Variants in PPP1R16B observed in about 807,000 individuals in gnomAD.
The protein encoded by PPP1R16B is protein phosphatase 1 regulatory inhibitor subunit 16B.
A neutral mutation model predicts 61.7 loss-of-function variants in PPP1R16B; 14 were observed. That is an observed-to-expected ratio of 0.23 (90% confidence interval 0.15 to 0.35). The LOEUF (loss-of-function observed/expected upper bound fraction) is 0.35. Ranked by LOEUF, PPP1R16B falls within the 10% of genes least tolerant of loss-of-function variation. PPP1R16B has a pLI of 1.00. For synonymous variants in PPP1R16B, 266 were observed against 305.3 expected, an observed-to-expected ratio of 0.87 and a Z score of 1.34; for missense variants, 547 against 752.5, an observed-to-expected ratio of 0.73 and a Z score of 3.19.
rs945362285 is a variant in PPP1R16B at position 38,908,031 on chromosome 20, G to A, written c.1032G>A (p.Lys344=). ...AGGACCCACTTTGTCCTCTCAGGAA[G>A]GTGGTGCGGCGAGCCAGCCTGTCGG... ...RRTSSAGSRG[K]VVRRASLSDR... is the part of the protein sequence containing the mutation. Residue 344 remains lysine (K), a synonymous_variant, in exon 10 of 11, where the codon AAG becomes AAA. Transcript: ENST00000299824. 3.2e-5 allele frequency: 52 copies of A among 1,614,108 alleles called. No individual in the cohort carries two copies. The highest frequency in any genetic ancestry group is 4.1e-5 in the Non-Finnish European group (48 of 1,180,040).
Position 38,907,720 on chromosome 20 carries a change from G to C in PPP1R16B, c.899-86G>C. ...GATGCTTGGAGTTTTCAGTGGGTTGGGGTGGCAGCTCCTCTGGTCTGGAGC... is the reference window on the plus strand; with the variant it reads ...GATGCTTGGAGTTTTCAGTGGGTTGCGGTGGCAGCTCCTCTGGTCTGGAGC... On this transcript the variant is annotated intron_variant, in intron 8 of 10. Transcript: ENST00000299824. This position sits in a 1 kb window ranked among gnomAD's most constrained non-coding sequence, Gnocchi z 4.5. 1 of 1,506,704 alleles carries C rather than the reference G, an allele frequency of 6.6e-7. No individual in the cohort carries two copies. Among genetic ancestry groups the C allele is most frequent in the Admixed American group, 1.8e-5 (1 of 54,446 alleles). 93.3% of individuals were successfully genotyped at this position (1,506,704 alleles called of 1,614,324 possible).
intron 1 of PPP1R16B, among the ~76,000 whole-genome samples, chr20:38,828,135 T>C (rs550336445): frequency 6.6e-6 from 1 of 152,368 alleles, no homozygotes; most frequent in African/African-American, 2.4e-5. Context: ...TTCATGTTGT[T>C]TTTCTCGAGG....
intron 4 of PPP1R16B, among the ~76,000 whole-genome samples, chr20:38,899,781 C>A (rs2085376951): frequency 6.6e-6 from 1 of 151,976 alleles, no homozygotes; most frequent in Non-Finnish European, 1.5e-5. Flanking sequence ...GGACAAGTGA[C>A]CGAACCTGTC....
intron 10 of PPP1R16B, among the ~76,000 whole-genome samples, chr20:38,910,509 C>T (rs1485003090): frequency 4.6e-5 from 7 of 151,346 alleles, no homozygotes; most frequent in Non-Finnish European, 7.4e-5. Context: ...GAGTCACCCA[C>T]GTTGTGGCAT....
At chr20:38,895,237 C>T (rs1045857911) in intron 3 of PPP1R16B, among the ~76,000 whole-genome samples, 3 of 152,212 alleles carry the variant, frequency 2.0e-5, no homozygotes, top group East Asian at 3.8e-4. Flanking sequence ...TTAAAAAATA[C>T]GTTTTAAAAC....
intron 3 of PPP1R16B, among the ~76,000 whole-genome samples, chr20:38,894,546 C>G (rs935640550): frequency 1.3e-5 from 2 of 152,232 alleles, no homozygotes; most frequent in African/African-American, 4.8e-5. Context: ...TGATCATGCT[C>G]CCCTTCGTAG....
rs2085406489 is a variant in PPP1R16B, at chr20:38,902,737, G to T, written c.641G>T (p.Cys214Phe). Residue 214 changes from cysteine to phenylalanine, a missense_variant, in exon 6 of 11, where the codon TGC (cysteine) becomes TTC (phenylalanine). Transcript: ENST00000299824. ...CAGCAGATGATTGCGGACATCCACT[G>T]CATGATCGCAGCGGGCCAGGACCTG... ...PEQQMIADIH[C>F]MIAAGQDLDW... 6.2e-7 allele frequency: 1 copy of T among 1,614,120 alleles called. No individual in the cohort carries two copies. Among genetic ancestry groups the T allele is most frequent in the African/African-American group, 1.3e-5 (1 of 74,940 alleles).
chr20:38,875,475 C>T (rs2145748296), intron 2 of PPP1R16B, among the ~76,000 whole-genome samples: 1 of 152,288 alleles, frequency 6.6e-6, no homozygotes, highest in Non-Finnish European at 1.5e-5. Flanking sequence ...AGGACAGGGC[C>T]CCCCAGGCAG....
intron 10 of PPP1R16B, among the ~76,000 whole-genome samples, chr20:38,910,156 T>C (rs1244900732): frequency 2.0e-5 from 3 of 152,006 alleles, no homozygotes; most frequent in Non-Finnish European, 2.9e-5. Context: ...TTTTTGTATT[T>C]TTAGTAGAGA....
chr20:38,884,821 C>T (rs1353885846), intron 2 of PPP1R16B, among the ~76,000 whole-genome samples: 1 of 151,398 alleles, frequency 6.6e-6, no homozygotes, highest in East Asian at 2.0e-4. Context: ...CCTGTAATCC[C>T]AGGATTTTGG....
chr20:38,873,378 C>T (rs2085143304), intron 2 of PPP1R16B, among the ~76,000 whole-genome samples: 1 of 152,150 alleles, frequency 6.6e-6, no homozygotes, highest in South Asian at 2.1e-4. Context: ...GAGACCACTT[C>T]CTCCTGTTGA....
intron 2 of PPP1R16B, among the ~76,000 whole-genome samples, chr20:38,882,558 G>A (rs1028164714): frequency 6.6e-6 from 1 of 152,164 alleles, no homozygotes; most frequent in African/African-American, 2.4e-5. Flanking sequence ...ACTCGATTTT[G>A]TACAAAAGTC....
chr20:38,895,401 A>G (rs1056170361), intron 3 of PPP1R16B, among the ~76,000 whole-genome samples, 164 bp from the exon 4 acceptor site: 3 of 151,908 alleles, frequency 2.0e-5, no homozygotes, highest in Non-Finnish European at 4.4e-5. Context: ...TGGCTTGCTC[A>G]AGGTCAAGGG....
At chr20:38,845,742 T>G (rs2084932340) in intron 2 of PPP1R16B, among the ~76,000 whole-genome samples, 1 of 151,902 alleles carries the variant, frequency 6.6e-6, no homozygotes, top group Non-Finnish European at 1.5e-5. Context: ...AAGACTAGAG[T>G]AGGAACTGTA....
intron 2 of PPP1R16B, among the ~76,000 whole-genome samples, chr20:38,858,268 G>A (rs1169759870): frequency 6.6e-6 from 1 of 152,036 alleles, no homozygotes; most frequent in Non-Finnish European, 1.5e-5. Context: ...TTCTGTGGCT[G>A]GGCAAGACAG....
chr20:38,852,495 C>T (rs1341127223), intron 2 of PPP1R16B, among the ~76,000 whole-genome samples: 1 of 152,166 alleles, frequency 6.6e-6, no homozygotes, highest in Admixed American at 6.5e-5. Context: ...GTGATACCAT[C>T]CTAGGGATCT....
intron 2 of PPP1R16B, among the ~76,000 whole-genome samples, chr20:38,836,747 C>G (rs942996684): frequency 2.0e-5 from 3 of 152,194 alleles, no homozygotes; most frequent in Non-Finnish European, 4.4e-5. Context: ...CCAGGCTGGT[C>G]TCAAACTCCC....
chr20:38,916,544 C>T (rs1275023262), intron 10 of PPP1R16B, among the ~76,000 whole-genome samples: 1 of 151,710 alleles, frequency 6.6e-6, no homozygotes, highest in African/African-American at 2.4e-5. Flanking sequence ...AAGTACTGGC[C>T]ACAGTGTCCT....
At chr20:38,886,148 C>T (rs763467436) in intron 2 of PPP1R16B, among the ~76,000 whole-genome samples, 2 of 152,148 alleles carry the variant, frequency 1.3e-5, no homozygotes, top group South Asian at 2.1e-4. Flanking sequence ...GTGCACTGGG[C>T]GCCGAGGACT....
Sources: allele counts gnomAD v4.1 joint callset (sites outside exome capture counted in the v4.1 genomes callset), GRCh38; gene constraint gnomAD v4.1.1; non-coding constraint Gnocchi (gnomAD v3.1); transcripts MANE v1.5; gene names NCBI Gene and HGNC (gene_info 2026-07-23, HGNC 2026-07-21).